SLC22A24: variants seen among roughly 807,000 people sequenced by gnomAD.
The protein encoded by SLC22A24 is solute carrier family 22 member 24.
Under a neutral mutation model 49.8 loss-of-function variants are expected in SLC22A24, and 53 were observed. The observed-to-expected ratio is 1.06, with a 90% confidence interval of 0.85 to 1.34. SLC22A24 has a LOEUF of 1.34. Ranked by LOEUF, SLC22A24 falls within the 40% of genes most tolerant of loss-of-function variation. The pLI, the probability that SLC22A24 is intolerant of heterozygous loss-of-function variation, is 0.00. For synonymous variants in SLC22A24, 302 were observed against 256.4 expected (o/e 1.18, Z -1.70); for missense variants, 786 against 675.9 (o/e 1.16, Z -1.81).
At chr11:63,117,346 G>A (rs944961043) in intron 4 of SLC22A24, among the ~76,000 whole-genome samples, 1 of 152,090 alleles carries the variant, frequency 6.6e-6, no homozygotes, top group Non-Finnish European at 1.5e-5. Context: ...GGTTAGCTTA[G>A]TGCTCAGCTA....
chr11:63,091,990 TA>T (rs1214263821), intron 6 of SLC22A24, among the ~76,000 whole-genome samples: 2 of 152,212 alleles, frequency 1.3e-5, no homozygotes, highest in African/African-American at 4.8e-5. Context: ...CATGATTGTA[TA>T]TTTAGAAAAC....
chr11:63,103,309 C>A (rs1182022519), intron 5 of SLC22A24, among the ~76,000 whole-genome samples: 11 of 152,090 alleles, frequency 7.2e-5, no homozygotes, highest in Admixed American at 7.2e-4. Flanking sequence ...ACTCCTAATC[C>A]TTTTCTGACC....
chr11:63,106,973 G>T (rs2087125794), intron 4 of SLC22A24, among the ~76,000 whole-genome samples: 1 of 152,138 alleles, frequency 6.6e-6, no homozygotes, highest in Non-Finnish European at 1.5e-5. Context: ...TGTTGCCATT[G>T]CTTTTGGTGT....
chr11:63,109,774 A>C (rs2087148837), intron 4 of SLC22A24, among the ~76,000 whole-genome samples: 2 of 152,046 alleles, frequency 1.3e-5, no homozygotes, highest in South Asian at 4.1e-4. Context: ...TAGGTGGCAA[A>C]AATTTTCTCC....
intron 2 of SLC22A24, among the ~76,000 whole-genome samples, chr11:63,132,186 T>A (rs1310433462): frequency 6.6e-6 from 1 of 152,226 alleles, no homozygotes; most frequent in Non-Finnish European, 1.5e-5. Context: ...TCGTCTAACC[T>A]TTTTTCAAGG....
intron 6 of SLC22A24, among the ~76,000 whole-genome samples, chr11:63,084,605 C>T (rs1251158800): frequency 6.6e-6 from 1 of 152,048 alleles, no homozygotes; most frequent in Non-Finnish European, 1.5e-5. Flanking sequence ...ATAAAGGCAC[C>T]CAGGGAAAGG....
intron 6 of SLC22A24, among the ~76,000 whole-genome samples, chr11:63,086,988 C>CA (rs35093141): frequency 1.0e-4 from 13 of 130,174 alleles, no homozygotes; most frequent in African/African-American, 2.8e-4. Context: ...TGAAAGTTTG[C>CA]AAAAAAAATG....
At chr11:63,093,805 C>A (rs2087035343) in intron 6 of SLC22A24, among the ~76,000 whole-genome samples, 2 of 151,894 alleles carry the variant, frequency 1.3e-5, no homozygotes, top group South Asian at 4.2e-4. Context: ...CACGAGTTTA[C>A]CTATATTACA....
intron 1 of SLC22A24, among the ~76,000 whole-genome samples, chr11:63,139,948 G>A (rs2087402869): frequency 6.6e-6 from 1 of 151,872 alleles, no homozygotes; most frequent in Non-Finnish European, 1.5e-5. Flanking sequence ...ATGTAAAAGA[G>A]CTCTGATTAA....
Position 63,096,084 on chromosome 11 carries a change from T to G in SLC22A24, c.977A>C (p.Lys326Thr). The G allele has an allele frequency of 6.5e-7, 1 of 1,550,304 alleles. No homozygotes were observed. The highest frequency in any genetic ancestry group is 8.7e-7 in the Non-Finnish European group (1 of 1,145,914). Residue 326 changes from lysine (K) to threonine (T), a missense_variant, in exon 6 of 10, where the codon AAG becomes ACG. Physicochemically the swap from Lys to Thr is moderately conservative, Grantham distance 78. Transcript: ENST00000612278. ...TTELVRSTMK[K>T]ELDAVRIKTS... ...TTTAATTCGGACTGCATCCAACTCC[T>G]TCTTCATGGTGGATCTCACAAGCTT... is the stretch of plus-strand genomic sequence containing the variant.
rs1565334776 is a variant in SLC22A24 at position 63,119,346 on chromosome 11, T to G, written c.507-11A>C. The G allele has an allele frequency of 2.0e-6, 3 of 1,514,352 alleles. No homozygotes were observed. The highest frequency in any genetic ancestry group is 2.8e-5 in the African/African-American group (2 of 71,146). The allele number at this position is 1,514,352 out of a possible 1,614,324, so 93.8% of individuals were successfully genotyped here. Reference sequence around the variant, plus strand: ...ATCTTCCGTCCAACCCTAAGAAATATTAAACCAGATAACGTTACTTAGGAA... The same window carrying G: ...ATCTTCCGTCCAACCCTAAGAAATAGTAAACCAGATAACGTTACTTAGGAA... On this transcript the variant is annotated splice_polypyrimidine_tract_variant and intron_variant, in intron 2 of 9. Coordinates refer to ENST00000612278, the MANE Select transcript of SLC22A24 (RefSeq NM_001136506.2).
chr11:63,125,261 A>G (rs1270860539), intron 2 of SLC22A24, among the ~76,000 whole-genome samples: 1 of 151,902 alleles, frequency 6.6e-6, no homozygotes, highest in Non-Finnish European at 1.5e-5. Context: ...GCACCCATTA[A>G]CTTGTCATCT....
intron 7 of SLC22A24, among the ~76,000 whole-genome samples, chr11:63,081,904 G>C (rs1194974179): frequency 6.6e-6 from 1 of 152,132 alleles, no homozygotes; most frequent in Non-Finnish European, 1.5e-5. Flanking sequence ...CTGCACATTT[G>C]AGTATTGCCA....
At chr11:63,111,178 C>T (rs1232118615) in intron 4 of SLC22A24, among the ~76,000 whole-genome samples, 1 of 151,898 alleles carries the variant, frequency 6.6e-6, no homozygotes, top group African/African-American at 2.4e-5. Context: ...TTGAACCAGC[C>T]TTGCATCCCA....
chr11:63,139,405 CAG>C (rs2087398658), intron 1 of SLC22A24, among the ~76,000 whole-genome samples: 1 of 152,078 alleles, frequency 6.6e-6, no homozygotes, highest in Non-Finnish European at 1.5e-5. Context: ...TTAGGGGTAT[CAG>C]AAATTACTTT....
intron 5 of SLC22A24, 21 bp downstream of exon 5, chr11:63,104,154 C>T (rs2087106701): frequency 6.5e-7 from 1 of 1,547,394 alleles, no homozygotes; most frequent in African/African-American, 1.4e-5. Flanking sequence ...TCACAGCAAT[C>T]ATTTCCCCTT....
chr11:63,095,854 G>A (rs994405302), intron 6 of SLC22A24, 137 bp downstream of exon 6: 7 of 648,378 alleles, frequency 1.1e-5, no homozygotes, highest in Non-Finnish European at 1.9e-5. Flanking sequence ...GTGGCACTTA[G>A]AGGCATACAT....
chr11:63,134,625 A>T, intron 2 of SLC22A24, 40 bp downstream of exon 2: 1 of 1,141,286 alleles, frequency 8.8e-7, no homozygotes, highest in South Asian at 1.3e-5. Context: ...TGAATATATC[A>T]TCTGATAAAC....
chr11:63,093,484 C>A (rs538043313), intron 6 of SLC22A24, among the ~76,000 whole-genome samples: 79 of 152,222 alleles, frequency 5.2e-4, no homozygotes, highest in African/African-American at 1.8e-3. Context: ...AAATGTGGCA[C>A]ATATACACCA....
Sources: allele counts gnomAD v4.1 joint callset (sites outside exome capture counted in the v4.1 genomes callset), GRCh38; gene constraint gnomAD v4.1.1; transcripts MANE v1.5; gene names NCBI Gene and HGNC (gene_info 2026-07-23, HGNC 2026-07-21).